GRIN2D: variants seen among roughly 807,000 people sequenced by gnomAD.
The protein encoded by GRIN2D is glutamate ionotropic receptor NMDA type subunit 2D.
GRIN2D carries 37 observed loss-of-function variants against 103.2 expected under a neutral mutation model. The ratio of observed to expected loss-of-function variants is 0.36; its 90% CI spans 0.28 to 0.47. The LOEUF (loss-of-function observed/expected upper bound fraction) is 0.47. GRIN2D is among the 20% of genes least tolerant of loss of function. The probability of loss-of-function intolerance (pLI) is 1.00; values close to 1 mark genes in which losing one functional copy is unlikely to be tolerated. For missense variants in GRIN2D, 1,557 were observed against 1,910.6 expected (o/e 0.81, Z 3.45); for synonymous variants, 845 against 885.6 (o/e 0.95, Z 0.81).
At chr19:48,403,198 CAA>C (rs145115482) in intron 3 of GRIN2D, among the ~76,000 whole-genome samples, 19,722 of 85,000 alleles carry the variant, frequency 0.23, 534 homozygotes, top group East Asian at 0.29. Flanking sequence ...GACTCTGTCT[CAA>C]AAAAAAAAAA....
At position 48,414,735 on chromosome 19, in the gene GRIN2D, G is replaced by A; in HGVS notation, c.1413-129G>A. 7.8e-7 allele frequency: 1 copy of A among 1,289,656 alleles called. No individual in the cohort carries two copies. The highest frequency in any genetic ancestry group is 1.1e-6 in the Non-Finnish European group (1 of 928,680). The allele number at this position is 1,289,656 out of a possible 1,614,324, so 79.9% of individuals were successfully genotyped here. A position where few individuals can be genotyped will look rare whatever the true frequency, so the allele number is the denominator to read the frequency against. The stretch of plus-strand genomic sequence containing the variant: ...TTAGGCAAACCTCAGAATTCTTTGA[G>A]CCTGAGTTTCCCCTGAAAGCGCTAA... On this transcript the variant is annotated intron_variant, in intron 6 of 13. Transcript: ENST00000263269. The surrounding 1 kb of genome is among the most constrained non-coding windows in gnomAD (Gnocchi z 4.6).
At chr19:48,412,528 T>C (rs1414136468) in intron 4 of GRIN2D, among the ~76,000 whole-genome samples, 6 of 151,194 alleles carry the variant, frequency 4.0e-5, no homozygotes, top group African/African-American at 1.5e-4. Context: ...TGGCTCACGC[T>C]TGTAATCCCA....
rs528324279 is a variant in GRIN2D, at chr19:48,414,169, G to C, written c.1200+64G>C. The C allele has an allele frequency of 1.1e-5, 12 of 1,052,088 alleles. No homozygotes were observed. Among genetic ancestry groups the C allele is most frequent in the South Asian group, 2.6e-5 (2 of 76,980 alleles). 65.2% of individuals were successfully genotyped at this position (1,052,088 alleles called of 1,614,324 possible). A position where few individuals can be genotyped will look rare whatever the true frequency, so the allele number is the denominator to read the frequency against. On this transcript the variant is annotated intron_variant, in intron 5 of 13. Transcript: ENST00000263269. The surrounding 1 kb of genome is among the most constrained non-coding windows in gnomAD (Gnocchi z 4.6). The stretch of plus-strand genomic sequence containing the variant: ...GTGGACTCCTGCATCCTGGCAGAGG[G>C]GGGGCTTGAGGTCGTGGACTAAGAG...
intron 8 of GRIN2D, among the ~76,000 whole-genome samples, chr19:48,418,623 C>G (rs989577582): frequency 1.3e-5 from 2 of 151,848 alleles, no homozygotes; most frequent in Non-Finnish European, 1.5e-5. Flanking sequence ...GGGGCAGGAG[C>G]GTGGGGCTGG....
At chr19:48,410,527 C>CAAAAAAAAA (rs4009666) in intron 4 of GRIN2D, among the ~76,000 whole-genome samples, 1 of 45,422 alleles carries the variant, frequency 2.2e-5, no homozygotes, top group Non-Finnish European at 3.8e-5. Context: ...GACTCTGACT[C>CAAAAAAAAA]AAAAAAAAAA....
intron 3 of GRIN2D, among the ~76,000 whole-genome samples, chr19:48,402,111 A>AGAAG (rs1402779773): frequency 1.6e-5 from 2 of 122,880 alleles, no homozygotes; most frequent in African/African-American, 6.6e-5. Context: ...AGAGAGAAAG[A>AGAAG]GAAGGAAAGA....
chr19:48,394,316 AG>A lies in GRIN2D; in HGVS notation c.-305-335del, dbSNP rs142765034. Among the ~76,000 whole-genome samples the A allele has an allele frequency of 0.013, 1,941 of 150,730 alleles. 38 individuals are homozygous for A. Among genetic ancestry groups the A allele is most frequent in the African/African-American group, 0.045 (1,846 of 40,984 alleles). Reference sequence around the variant, plus strand: ...CCTGTGTTTGAGAGTGGGGGAGTCAAGGGGGGGTCTAGAGGTGGCCAAGCGA... The same window carrying A: ...CCTGTGTTTGAGAGTGGGGGAGTCAAGGGGGGTCTAGAGGTGGCCAAGCGA... On this transcript the variant is annotated intron_variant, in intron 1 of 13. Coordinates refer to ENST00000263269, the MANE Select transcript of GRIN2D (RefSeq NM_000836.4). This position sits in a 1 kb window ranked among gnomAD's most constrained non-coding sequence, Gnocchi z 5.1.
chr19:48,426,220 C>CTTTTTTTTTTTTTTTTTTTTT (rs1253186603), intron 11 of GRIN2D, among the ~76,000 whole-genome samples: 18 of 127,098 alleles, frequency 1.4e-4, no homozygotes, highest in African/African-American at 4.9e-4. Flanking sequence ...TTCTTTCTTT[C>CTTTTTTTTTTTTTTTTTTTTT]TTTCTTTTTT....
chr19:48,440,405 C>A (rs149238519), intron 11 of GRIN2D, among the ~76,000 whole-genome samples: 8 of 152,122 alleles, frequency 5.3e-5, no homozygotes, highest in African/African-American at 1.9e-4. Context: ...CCAGCCTGGG[C>A]AACATGGAAA....
chr19:48,432,237 T>TA, intron 11 of GRIN2D, among the ~76,000 whole-genome samples: 1 of 151,216 alleles, frequency 6.6e-6, no homozygotes, highest in African/African-American at 2.4e-5. Flanking sequence ...TTTTTTTTTT[T>TA]AGAGGCAGGT....
intron 3 of GRIN2D, among the ~76,000 whole-genome samples, chr19:48,404,522 A>G (rs576383677): frequency 1.4e-4 from 22 of 152,270 alleles, no homozygotes; most frequent in African/African-American, 5.3e-4. Context: ...AAACAAAACA[A>G]AAAACTAAGG....
intron 11 of GRIN2D, among the ~76,000 whole-genome samples, chr19:48,433,467 T>A (rs1456744471): frequency 6.6e-6 from 1 of 152,182 alleles, no homozygotes; most frequent in Non-Finnish European, 1.5e-5. Context: ...ACTAGAAAAT[T>A]CCATCTTTAC....
Position 48,413,982 on chromosome 19 carries a change from C to G in GRIN2D, c.1086-9C>G. 1.3e-6 allele frequency: 2 copies of G among 1,533,824 alleles called. No individual in the cohort carries two copies. The highest frequency in any genetic ancestry group is 1.8e-6 in the Non-Finnish European group (2 of 1,106,740). On this transcript the variant is annotated splice_polypyrimidine_tract_variant and intron_variant, in intron 4 of 13. Transcript: ENST00000263269. ...CCCCAGCATGTCCCCTTTCCCTCCT[C>G]CTGGGCAGGTACTTCATGAACATCA... is the stretch of plus-strand genomic sequence containing the variant.
In GRIN2D at chr19:48,443,519, C is replaced by G. The variant is rs1971335295; in HGVS notation, c.3593C>G (p.Ser1198Trp). 1 of 1,343,340 alleles carries G rather than the reference C, an allele frequency of 7.4e-7. No individual in the cohort carries two copies. Among genetic ancestry groups the G allele is most frequent in the Non-Finnish European group, 9.5e-7 (1 of 1,047,584 alleles). 83.2% of individuals were successfully genotyped at this position (1,343,340 alleles called of 1,614,324 possible). A position where few individuals can be genotyped will look rare whatever the true frequency, so the allele number is the denominator to read the frequency against. The change falls in exon 14 of 14, where the codon TCG becomes TGG. Residue 1198 changes from serine (S) to tryptophan (W), a missense_variant. Around this residue, in one of 7 missense-constraint regions of GRIN2D, gnomAD observed 632 missense variants for 572.8 expected, o/e 1.10. Coordinates refer to ENST00000263269, the MANE Select transcript of GRIN2D (RefSeq NM_000836.4). This position sits in a 1 kb window ranked among gnomAD's most constrained non-coding sequence, Gnocchi z 8.9. ...LLPPPRHLSC[S>W]HDGLDGGWWA... ...CCGCCGCCGCGCCATCTCAGCTGCT[C>G]GCACGATGGCCTGGACGGCGGCTGG...
rs757082184 is a variant in GRIN2D, at chr19:48,441,746, C to T, written c.2253-23C>T. 4 of 1,593,992 alleles carry T rather than the reference C, an allele frequency of 2.5e-6. No homozygotes were observed. The East Asian group carries it at 6.7e-5, about 27-fold the overall frequency. On this transcript the variant is annotated intron_variant, in intron 11 of 13. Transcript: ENST00000263269. The stretch of plus-strand genomic sequence containing the variant: ...GGGCATCTAGGTGGGACTGACCCTA[C>T]CCTCCATTCCCCCTCCCCCCAGGAA...
intron 11 of GRIN2D, among the ~76,000 whole-genome samples, chr19:48,426,697 G>A (rs997840035): frequency 5.9e-5 from 9 of 151,708 alleles, no homozygotes; most frequent in Non-Finnish European, 1.3e-4. Flanking sequence ...CGATTCTCCT[G>A]CCTCAGTCTC....
intron 4 of GRIN2D, among the ~76,000 whole-genome samples, chr19:48,413,617 A>C (rs1018941427): frequency 2.7e-5 from 4 of 145,606 alleles, no homozygotes; most frequent in African/African-American, 1.0e-4. Flanking sequence ...AGCCAAGATC[A>C]TACCACTGCA....
At chr19:48,415,287 C>T (rs1427282787) in intron 7 of GRIN2D, among the ~76,000 whole-genome samples, 1 of 152,042 alleles carries the variant, frequency 6.6e-6, no homozygotes, top group Non-Finnish European at 1.5e-5. Flanking sequence ...AGGAGAATTG[C>T]TTGAACCCGG....
intron 4 of GRIN2D, among the ~76,000 whole-genome samples, chr19:48,409,469 G>T (rs1481221092): frequency 6.6e-6 from 1 of 151,862 alleles, no homozygotes; most frequent in Non-Finnish European, 1.5e-5. Flanking sequence ...TAGAGATGGG[G>T]TTTCACTATG....
Sources: gnomAD v4.1 joint callset for allele counts (sites outside exome capture counted in the v4.1 genomes callset) on GRCh38, gnomAD v4.1.1 for gene constraint, gnomAD v4.1.1 regional missense constraint, Gnocchi (gnomAD v3.1) non-coding constraint, MANE v1.5 for transcripts, NCBI Gene and HGNC (gene_info 2026-07-23, HGNC 2026-07-21) for gene names.